Variants in FRMPD3 observed in about 807,000 individuals in gnomAD.
FRMPD3 encodes FERM and PDZ domain containing 3, also known as FERM and PDZ domain-containing protein 3.
A neutral mutation model predicts 97.9 loss-of-function variants in FRMPD3; 42 were observed. The observed-to-expected ratio is 0.43, with a 90% CI of 0.34 to 0.55. FRMPD3 has a LOEUF of 0.55. Ranked by LOEUF, FRMPD3 falls within the 20% of genes least tolerant of loss-of-function variation. The pLI, the probability that FRMPD3 is intolerant of heterozygous loss-of-function variation, is 0.03. For missense variants in FRMPD3, 1,303 were observed against 1,457.7 expected (o/e 0.89, Z 1.73); for synonymous variants, 577 against 581.1 (o/e 0.99, Z 0.10).
At chrX:107,580,248 C>A (rs1269467305) in intron 13 of FRMPD3, among the ~76,000 whole-genome samples, 1 of 112,342 alleles carries the variant, frequency 8.9e-6, no homozygotes, top group African/African-American at 3.2e-5. Flanking sequence ...CTAGGGCAAT[C>A]CCCTTGGGGA....
chrX:107,601,192 G>C lies in FRMPD3; in HGVS notation c.3153G>C (p.Glu1051Asp), dbSNP rs372120953. The C allele has an allele frequency of 8.3e-6, 10 of 1,209,321 alleles. No individual in the cohort carries two copies. Among genetic ancestry groups the C allele is most frequent in the Non-Finnish European group, 1.1e-5 (10 of 894,428 alleles). ...ACAGCCTGCACCTCTCCCAACAAGA[G>C]GACAGTCTGCCTGTTCAAAATTTCC... is the stretch of plus-strand genomic sequence containing the variant. ...RADSLHLSQQ[E>D]DSLPVQNFPP... The change falls in exon 15 of 15, where the codon GAG becomes GAC. Residue 1051 changes from glutamate to aspartate, a missense_variant. Glu to Asp is a conservative substitution (Grantham distance 45, BLOSUM62 2). Coordinates refer to ENST00000683843, the MANE Select transcript of FRMPD3 (RefSeq NM_001388459.1).
chrX:107,565,036 C>G lies in FRMPD3; in HGVS notation c.1266C>G (p.Ala422=), dbSNP rs1359114820. The change falls in exon 12 of 15, where the codon GCC becomes GCG. Residue 422 remains alanine (A), a synonymous_variant. Transcript: ENST00000683843. ...TGTTCCGGGAGAACCAGGGCGTGGC[C>G]CGGGTGGAGACCAGCATCATGGATG... The part of the protein sequence containing the change: ...IQLFRENQGV[A]RVETSIMDAK... The G allele has an allele frequency of 5.9e-6, 7 of 1,194,473 alleles. No homozygotes were observed. Among genetic ancestry groups the G allele is most frequent in the South Asian group, 1.9e-5 (1 of 53,645 alleles).
chrX:107,539,150 C>A (rs192539038), intron 4 of FRMPD3, among the ~76,000 whole-genome samples: 13 of 112,161 alleles, frequency 1.2e-4, no homozygotes, highest in Non-Finnish European at 2.3e-4. Context: ...TGGTATTGGT[C>A]TTTTGAAAAG....
rs754061726 is a variant in FRMPD3, at chrX:107,548,620, A to C, written c.403-1429A>C. On this transcript the variant is annotated intron_variant, in intron 5 of 14. Coordinates refer to ENST00000683843, the MANE Select transcript of FRMPD3 (RefSeq NM_001388459.1). The stretch of plus-strand genomic sequence containing the variant: ...TTTCACCATTTGATTGTGAAAGACA[A>C]ATATCCTTCAAAAATATGATAAAGG... 2.7e-5 allele frequency among the ~76,000 whole-genome samples: 3 copies of C among 112,986 alleles called. No individual in the cohort carries two copies. In the East Asian group the frequency reaches 8.3e-4, roughly 31 times the overall value.
intron 8 of FRMPD3, among the ~76,000 whole-genome samples, chrX:107,556,434 C>T (rs1922084928): frequency 9.0e-6 from 1 of 111,453 alleles, no homozygotes; most frequent in South Asian, 3.8e-4. Context: ...TGGACTTCAG[C>T]TGTATTCTTT....
intron 1 of FRMPD3, among the ~76,000 whole-genome samples, chrX:107,502,804 G>T (rs776122549): frequency 2.7e-5 from 3 of 112,787 alleles, no homozygotes; most frequent in Non-Finnish European, 3.8e-5. Context: ...TGCCTATATG[G>T]CAGGTGCACT....
At chrX:107,580,899 ATCTGAAG>A (rs1360926194) in intron 13 of FRMPD3, among the ~76,000 whole-genome samples, 1 of 111,207 alleles carries the variant, frequency 9.0e-6, no homozygotes, top group Non-Finnish European at 1.9e-5. Context: ...TGCAAGAGAG[ATCTGAAG>A]TCACAGAGAC....
chrX:107,553,880 G>A (rs1003461358), intron 7 of FRMPD3, among the ~76,000 whole-genome samples: 3 of 111,988 alleles, frequency 2.7e-5, no homozygotes, highest in African/African-American at 9.7e-5. Flanking sequence ...ACAAGTAGGA[G>A]GAATATAGTA....
At chrX:107,554,203 C>T (rs766644386) in intron 7 of FRMPD3, among the ~76,000 whole-genome samples, 182 bp from the exon 8 acceptor site, 23 of 111,131 alleles carry the variant, frequency 2.1e-4, no homozygotes, top group Non-Finnish European at 3.8e-4. Context: ...GTAGAAAAGA[C>T]CTGACTCCTC....
At chrX:107,527,838 AC>A (rs1422877868) in intron 2 of FRMPD3, among the ~76,000 whole-genome samples, 1 of 111,248 alleles carries the variant, frequency 9.0e-6, no homozygotes, top group Admixed American at 9.5e-5. Context: ...AGGAAAAAAA[AC>A]ACACACACAC....
chrX:107,493,156 G>C (rs1841045296), intron 1 of FRMPD3, among the ~76,000 whole-genome samples: 1 of 90,886 alleles, frequency 1.1e-5, no homozygotes, highest in Non-Finnish European at 2.1e-5. Flanking sequence ...CTCCAACCTG[G>C]GTGACAAAGC....
intron 9 of FRMPD3, 99 bp downstream of exon 9, chrX:107,560,492 A>G (rs1316167559): frequency 1.9e-6 from 2 of 1,054,617 alleles, no homozygotes; most frequent in East Asian, 3.3e-5. Flanking sequence ...AATGTAGGAC[A>G]TGGGATGGGA....
At chrX:107,510,501 A>G (rs933292727) in intron 1 of FRMPD3, among the ~76,000 whole-genome samples, 3 of 111,892 alleles carry the variant, frequency 2.7e-5, no homozygotes, top group African/African-American at 9.8e-5. Context: ...GGAAACAGAC[A>G]GGGTTTTCCC....
chrX:107,583,735 G>A (rs1282421186), intron 13 of FRMPD3, among the ~76,000 whole-genome samples: 1 of 111,539 alleles, frequency 9.0e-6, no homozygotes, highest in Non-Finnish European at 1.9e-5. Context: ...TTTCTCCACA[G>A]CCTCACTAGC....
chrX:107,548,338 G>A (rs1162174688), intron 5 of FRMPD3, among the ~76,000 whole-genome samples: 1 of 112,367 alleles, frequency 8.9e-6, no homozygotes, highest in Admixed American at 9.4e-5. Flanking sequence ...ATAGTGTTGG[G>A]CATACAGTAG....
chrX:107,540,359 GT>G (rs966996546), intron 4 of FRMPD3, among the ~76,000 whole-genome samples: 28 of 111,403 alleles, frequency 2.5e-4, no homozygotes, highest in Non-Finnish European at 4.0e-4. Flanking sequence ...GCTGAGTTTC[GT>G]TTTTTTTCAG....
In FRMPD3 at chrX:107,600,669, T is replaced by C. The variant is rs1924453466; in HGVS notation, c.2630T>C (p.Val877Ala). The C allele has an allele frequency of 1.7e-6, 2 of 1,205,522 alleles. No homozygotes were observed. The highest frequency in any genetic ancestry group is 3.5e-5 in the African/African-American group (2 of 57,683). Reference sequence around the variant, plus strand: ...GGAGAACGAACATACTCCTTGGCAGTGCACCCAGCACTGTCCCCACAGCTT... The same window carrying C: ...GGAGAACGAACATACTCCTTGGCAGCGCACCCAGCACTGTCCCCACAGCTT... ...VQGERTYSLA[V>A]HPALSPQLSE... The change falls in exon 15 of 15, where the codon GTG becomes GCG. Residue 877 changes from valine to alanine, a missense_variant. Val to Ala is a moderately conservative substitution (Grantham distance 64). Coordinates refer to ENST00000683843, the MANE Select transcript of FRMPD3 (RefSeq NM_001388459.1).
chrX:107,568,919 GAGAGAGAGAGGGAGAGA>G (rs1922735886), intron 12 of FRMPD3, among the ~76,000 whole-genome samples: 1 of 108,294 alleles, frequency 9.2e-6, no homozygotes, highest in African/African-American at 3.4e-5. Flanking sequence ...GAGAGAGAGA[GAGAGAGAGAGGGAGAGA>G]GAGAGAGAGA....
At chrX:107,537,774 C>T (rs1222050820) in intron 4 of FRMPD3, among the ~76,000 whole-genome samples, 1 of 111,613 alleles carries the variant, frequency 9.0e-6, no homozygotes, top group Non-Finnish European at 1.9e-5. Flanking sequence ...CATGTGCAGT[C>T]GATCCTCATT....
Sources: allele counts gnomAD v4.1 joint callset (sites outside exome capture counted in the v4.1 genomes callset), GRCh38; gene constraint gnomAD v4.1.1; transcripts MANE v1.5; gene names NCBI Gene and HGNC (gene_info 2026-07-23, HGNC 2026-07-21).